The following LRRTM4 variants were observed in gnomAD, a reference collection of about 807,000 sequenced individuals.
The protein encoded by LRRTM4 is leucine rich repeat transmembrane neuronal 4.
In LRRTM4, 25 loss-of-function variants were observed where a neutral mutation model predicts 47.6. The observed-to-expected ratio is 0.53, with a 90% CI of 0.38 to 0.73. The LOEUF is 0.73. LRRTM4 is among the 30% of genes least tolerant of loss of function. The pLI is 0.00. For missense variants in LRRTM4, 638 were observed against 713.4 expected (o/e 0.89, Z 1.20); for synonymous variants, 311 against 269.5 (o/e 1.15, Z -1.51).
At position 77,457,004 on chromosome 2, in the gene LRRTM4, G is replaced by GTGTA. The variant is rs1192297417; in HGVS notation, c.1551+61313_1551+61314insTACA. Among the ~76,000 whole-genome samples, 213 of 22,958 alleles carry GTGTA rather than the reference G, an allele frequency of 9.3e-3. 1 individual carries two copies. Among genetic ancestry groups the GTGTA allele is most frequent in the Non-Finnish European group, 0.013 (165 of 12,622 alleles). 15.1% of individuals were successfully genotyped at this position (22,958 alleles called of 152,430 possible). Reference sequence around the variant, plus strand: ...TATATATTAGTGTATGTGTGTGTGTGTATATATATATATATATATATATAT... The same window carrying GTGTA: ...TATATATTAGTGTATGTGTGTGTGTGTGTATATATATATATATATATATATATAT... On this transcript the variant is annotated intron_variant, in intron 3 of 3. Coordinates refer to ENST00000409884, the MANE Select transcript of LRRTM4 (RefSeq NM_001134745.3).
intron 3 of LRRTM4, among the ~76,000 whole-genome samples, chr2:77,335,487 C>T (rs1185919919): frequency 2.0e-5 from 3 of 152,170 alleles, no homozygotes; most frequent in Non-Finnish European, 4.4e-5. Context: ...TGCTCATCTT[C>T]TTTAAGTACG....
chr2:77,093,131 C>T (rs558937756), intron 3 of LRRTM4, among the ~76,000 whole-genome samples: 1 of 142,436 alleles, frequency 7.0e-6, no homozygotes, highest in Non-Finnish European at 1.5e-5. Flanking sequence ...AGTCATACTC[C>T]TATTCACCGT....
intron 3 of LRRTM4, among the ~76,000 whole-genome samples, chr2:77,070,284 G>A (rs1217356605): frequency 6.6e-6 from 1 of 151,996 alleles, no homozygotes; most frequent in East Asian, 1.9e-4. Context: ...GCATGACTTT[G>A]GTTAGTTTCA....
Position 77,477,893 on chromosome 2 carries a change from AAAAGAAAGAAAAAG to A in LRRTM4, c.1551+40411_1551+40424del, listed in dbSNP as rs1356479276. The stretch of plus-strand genomic sequence containing the variant: ...AGAAAGAAAGAAAGAGAAAGAAAGA[AAAAGAAAGAAAAAG>A]AAAGAAAGAAAGAAAGAAAGAAAGA... On this transcript the variant is annotated intron_variant, in intron 3 of 3. Coordinates refer to ENST00000409884, the MANE Select transcript of LRRTM4 (RefSeq NM_001134745.3). 8.0e-3 allele frequency among the ~76,000 whole-genome samples: 914 copies of A among 114,376 alleles called. 7 individuals carry two copies. The highest frequency in any genetic ancestry group is 0.034 in the Admixed American group (325 of 9,584). The allele number at this position is 114,376 out of a possible 152,430, so 75.0% of individuals were successfully genotyped here. A position where few individuals can be genotyped will look rare whatever the true frequency, so the allele number is the denominator to read the frequency against.
At chr2:76,811,080 C>T (rs1670718158) in intron 3 of LRRTM4, among the ~76,000 whole-genome samples, 2 of 152,164 alleles carry the variant, frequency 1.3e-5, no homozygotes, top group South Asian at 4.1e-4. Flanking sequence ...AGTCCCCTCA[C>T]CCCACCCTGT....
chr2:77,143,844 G>C (rs1461037574), intron 3 of LRRTM4, among the ~76,000 whole-genome samples: 1 of 152,122 alleles, frequency 6.6e-6, no homozygotes, highest in Non-Finnish European at 1.5e-5. Flanking sequence ...CAATCATTTG[G>C]GGCCAAGTCC....
chr2:77,144,116 G>C (rs1427780714), intron 3 of LRRTM4, among the ~76,000 whole-genome samples: 1 of 152,150 alleles, frequency 6.6e-6, no homozygotes, highest in Non-Finnish European at 1.5e-5. Flanking sequence ...AGCCAACCCA[G>C]TGGGAAGCTC....
intron 3 of LRRTM4, among the ~76,000 whole-genome samples, chr2:76,809,661 G>T (rs1252587044): frequency 6.6e-6 from 1 of 152,084 alleles, no homozygotes; most frequent in Non-Finnish European, 1.5e-5. Context: ...CTTCTGCTTA[G>T]TGTCTGCCAT....
intron 3 of LRRTM4, among the ~76,000 whole-genome samples, chr2:76,987,012 C>T (rs1308770959): frequency 1.3e-5 from 2 of 151,476 alleles, no homozygotes; most frequent in Non-Finnish European, 2.9e-5. Context: ...GTATTGGCTT[C>T]AATAAAGTAT....
intron 3 of LRRTM4, among the ~76,000 whole-genome samples, chr2:77,203,733 C>T (rs1256626342): frequency 6.6e-6 from 1 of 152,154 alleles, no homozygotes. Flanking sequence ...GGATATTCTT[C>T]AGAGCAGATG....
At chr2:76,860,891 TA>T (rs149656696) in intron 3 of LRRTM4, among the ~76,000 whole-genome samples, 5 of 151,668 alleles carry the variant, frequency 3.3e-5, no homozygotes, top group African/African-American at 7.3e-5. Context: ...ATTGTAAAAT[TA>T]AAAAAAAGCA....
chr2:77,019,597 T>C (rs148467629), intron 3 of LRRTM4, among the ~76,000 whole-genome samples: 1 of 152,272 alleles, frequency 6.6e-6, no homozygotes, highest in Non-Finnish European at 1.5e-5. Context: ...TTGCTTAAAA[T>C]GGTTAGCTTG....
At chr2:77,279,919 A>G (rs1355668368) in intron 3 of LRRTM4, among the ~76,000 whole-genome samples, 2 of 152,048 alleles carry the variant, frequency 1.3e-5, no homozygotes, top group African/African-American at 4.8e-5. Context: ...GCCATAACAT[A>G]GAAAATGAGT....
intron 3 of LRRTM4, among the ~76,000 whole-genome samples, chr2:77,100,066 A>G (rs1220467177): frequency 6.6e-6 from 1 of 152,048 alleles, no homozygotes; most frequent in Non-Finnish European, 1.5e-5. Context: ...TGGTCCTTTA[A>G]GTAACATGAA....
At chr2:76,886,314 G>A (rs902261886) in intron 3 of LRRTM4, among the ~76,000 whole-genome samples, 4 of 152,050 alleles carry the variant, frequency 2.6e-5, no homozygotes, top group Admixed American at 2.6e-4. Flanking sequence ...ATCATAATTA[G>A]ACAACCTTAA....
At chr2:77,068,391 C>T (rs190525913) in intron 3 of LRRTM4, among the ~76,000 whole-genome samples, 1 of 152,134 alleles carries the variant, frequency 6.6e-6, no homozygotes, top group East Asian at 1.9e-4. Flanking sequence ...ATACTATCAC[C>T]ACTGTCTAAT....
intron 3 of LRRTM4, among the ~76,000 whole-genome samples, chr2:76,803,457 G>A (rs980380536): frequency 8.5e-5 from 13 of 152,080 alleles, no homozygotes; most frequent in Admixed American, 2.6e-4. Flanking sequence ...ACATTTTGGC[G>A]AGGTTGTGGA....
intron 3 of LRRTM4, among the ~76,000 whole-genome samples, chr2:77,029,328 G>A (rs530344017): frequency 1.3e-5 from 2 of 151,988 alleles, no homozygotes; most frequent in South Asian, 2.1e-4. Flanking sequence ...GAGCCAGTCC[G>A]AGTCCCAAAA....
intron 3 of LRRTM4, among the ~76,000 whole-genome samples, chr2:77,332,992 C>T (rs1671025302): frequency 6.6e-6 from 1 of 152,134 alleles, no homozygotes; most frequent in Non-Finnish European, 1.5e-5. Context: ...GGGCTGTTCT[C>T]ACGTTAGTGA....
Sources: allele counts gnomAD v4.1 joint callset (sites outside exome capture counted in the v4.1 genomes callset), GRCh38; gene constraint gnomAD v4.1.1; transcripts MANE v1.5; gene names NCBI Gene and HGNC (gene_info 2026-07-23, HGNC 2026-07-21).